Variants in RCSD1 observed in about 807,000 individuals in gnomAD.
RCSD1 encodes RCSD domain containing 1.
RCSD1 carries 26 observed loss-of-function variants against 42.5 expected under a neutral mutation model. The observed-to-expected ratio is 0.61, with a 90% CI of 0.45 to 0.85. The LOEUF (loss-of-function observed/expected upper bound fraction) is 0.85, where lower values mean the gene tolerates loss of function less well. RCSD1 is among the 40% of genes least tolerant of loss of function. The pLI is 0.00. For missense variants in RCSD1, 571 were observed against 528.3 expected, an observed-to-expected ratio of 1.08 and a Z score of -0.79; for synonymous variants, 220 against 212.2, an observed-to-expected ratio of 1.04 and a Z score of -0.32.
At chr1:167,673,302 GA>G (rs1658857724) in intron 1 of RCSD1, among the ~76,000 whole-genome samples, 1 of 152,218 alleles carries the variant, frequency 6.6e-6, no homozygotes, top group Admixed American at 6.5e-5. Flanking sequence ...AGAATGGATT[GA>G]AACATAGATT....
rs1657693613 is a variant in RCSD1 at position 167,631,421 on chromosome 1, G to A, written c.6+992G>A. On this transcript the variant is annotated intron_variant, in intron 1 of 6. Transcript: ENST00000367854. ...CACTAGACTGTGGTCAGTGCAATCAGGATTCACAGTTAACTCCGCTATCTC... is the reference window on the plus strand; with the variant it reads ...CACTAGACTGTGGTCAGTGCAATCAAGATTCACAGTTAACTCCGCTATCTC... Among the ~76,000 whole-genome samples, 3 of 152,338 alleles carry A rather than the reference G, an allele frequency of 2.0e-5. 1 individual carries two copies. The South Asian group carries it at 6.2e-4, about 32-fold the overall frequency.
intron 1 of RCSD1, among the ~76,000 whole-genome samples, chr1:167,640,230 G>A (rs1423627539): frequency 6.6e-6 from 1 of 152,090 alleles, no homozygotes; most frequent in Non-Finnish European, 1.5e-5. Context: ...CATGGTTCTG[G>A]AGGCCGGATG....
chr1:167,689,493 A>AAAAAG (rs1382535640), intron 3 of RCSD1, among the ~76,000 whole-genome samples: 20 of 137,068 alleles, frequency 1.5e-4, no homozygotes, highest in South Asian at 2.3e-4. Flanking sequence ...AAAAAAAAAA[A>AAAAAG]AAAAGAAAAG....
At chr1:167,644,712 C>T (rs1372364421) in intron 1 of RCSD1, among the ~76,000 whole-genome samples, 2 of 152,160 alleles carry the variant, frequency 1.3e-5, no homozygotes, top group Non-Finnish European at 2.9e-5. Context: ...CAATTCCTTA[C>T]CTTTCACACC....
intron 1 of RCSD1, among the ~76,000 whole-genome samples, chr1:167,682,668 AGTGT>A (rs10607777): frequency 0.097 from 13,775 of 142,530 alleles, 779 homozygotes; most frequent in African/African-American, 0.16. Context: ...GCCATGGAAG[AGTGT>A]GTGTGTGTGT....
intron 1 of RCSD1, among the ~76,000 whole-genome samples, chr1:167,632,387 T>C (rs1187239845): frequency 1.3e-5 from 2 of 152,174 alleles, no homozygotes; most frequent in African/African-American, 4.8e-5. Context: ...AATGCAAGTG[T>C]CAACTTTGTT....
At position 167,630,352 on chromosome 1, in the gene RCSD1, G is replaced by A. The variant is rs980001111; in HGVS notation, c.-72G>A. ...AAACTGGCCACGGCCGGGAGCGGAG[G>A]GGACAGCGGGGATCGTGAGCTCCGG... On this transcript the variant is annotated 5_prime_UTR_variant, in exon 1 of 7. Transcript: ENST00000367854. 1 of 1,377,698 alleles carries A rather than the reference G, an allele frequency of 7.3e-7. No homozygotes were observed. The allele number at this position is 1,377,698 out of a possible 1,614,324, so 85.3% of individuals were successfully genotyped here.
intron 1 of RCSD1, among the ~76,000 whole-genome samples, chr1:167,683,452 G>A (rs549086142): frequency 2.2e-4 from 33 of 152,232 alleles, no homozygotes; most frequent in African/African-American, 6.3e-4. Context: ...TTTACTGAGC[G>A]CTTCTTTACC....
chr1:167,674,887 T>C (rs2102224839), intron 1 of RCSD1, among the ~76,000 whole-genome samples: 1 of 152,308 alleles, frequency 6.6e-6, no homozygotes, highest in East Asian at 1.9e-4. Flanking sequence ...ATGGACATTG[T>C]ATTAGTCTGT....
intron 1 of RCSD1, among the ~76,000 whole-genome samples, chr1:167,634,729 A>G (rs1339244618): frequency 6.6e-6 from 1 of 152,252 alleles, no homozygotes; most frequent in Non-Finnish European, 1.5e-5. Context: ...AAAAAAAGTC[A>G]TAAATTTCTA....
At chr1:167,689,879 G>A (rs2101714266) in intron 3 of RCSD1, among the ~76,000 whole-genome samples, 170 bp from the exon 4 acceptor site, 1 of 152,208 alleles carries the variant, frequency 6.6e-6, no homozygotes, top group Middle Eastern at 3.4e-3. Flanking sequence ...GGGAGGGAGG[G>A]GGAAAGTTCA....
rs549842548 is a variant in RCSD1 at position 167,638,056 on chromosome 1, T to C, written c.6+7627T>C. On this transcript the variant is annotated intron_variant, in intron 1 of 6. Transcript: ENST00000367854. ...GCCGCAGCAGGCTTTGGGCCTCCTC[T>C]GAGCCTCCCCGCTAGACCCTCCACC... Among the ~76,000 whole-genome samples, 6 of 152,350 alleles carry C rather than the reference T, an allele frequency of 3.9e-5. No individual in the cohort carries two copies. In the South Asian group the frequency reaches 1.2e-3, roughly 32 times the overall value.
intron 5 of RCSD1, among the ~76,000 whole-genome samples, chr1:167,696,606 C>T (rs188568793): frequency 5.9e-5 from 9 of 152,094 alleles, no homozygotes; most frequent in African/African-American, 1.9e-4. Context: ...CATGCACCAG[C>T]ACCCCCAGCT....
chr1:167,694,421 A>T (rs1360695553), intron 5 of RCSD1, 119 bp downstream of exon 5: 1 of 964,370 alleles, frequency 1.0e-6, no homozygotes, highest in African/African-American at 1.6e-5. Context: ...TTACTGTCAG[A>T]GCTGCGTGTT....
At chr1:167,685,207 G>A (rs1467635512) in intron 2 of RCSD1, among the ~76,000 whole-genome samples, 1 of 152,176 alleles carries the variant, frequency 6.6e-6, no homozygotes, top group African/African-American at 2.4e-5. Context: ...TGGGTAGATG[G>A]TAAATAGAAT....
intron 6 of RCSD1, among the ~76,000 whole-genome samples, chr1:167,703,308 T>G (rs1659686629): frequency 6.6e-6 from 1 of 152,090 alleles, no homozygotes; most frequent in Admixed American, 6.5e-5. Flanking sequence ...CCGCTCCTCC[T>G]TGACCCTCCT....
At chr1:167,645,032 CAGT>C (rs1413159873) in intron 1 of RCSD1, among the ~76,000 whole-genome samples, 1 of 152,198 alleles carries the variant, frequency 6.6e-6, no homozygotes, top group Non-Finnish European at 1.5e-5. Context: ...AGAAAGTCTC[CAGT>C]GGCAGGCCAC....
intron 1 of RCSD1, among the ~76,000 whole-genome samples, chr1:167,668,872 A>C (rs946200799): frequency 2.0e-5 from 3 of 152,204 alleles, no homozygotes; most frequent in Admixed American, 1.3e-4. Flanking sequence ...CTCAGATGTC[A>C]GTTTTTCAGA....
At chr1:167,703,900 A>G (rs1373329962) in intron 6 of RCSD1, among the ~76,000 whole-genome samples, 1 of 151,908 alleles carries the variant, frequency 6.6e-6, no homozygotes, top group East Asian at 1.9e-4. Flanking sequence ...AAGTCCTCTC[A>G]CCACACCTCT....
Sources: gnomAD v4.1 joint callset for allele counts (sites outside exome capture counted in the v4.1 genomes callset) on GRCh38, gnomAD v4.1.1 for gene constraint, MANE v1.5 for transcripts, NCBI Gene and HGNC (gene_info 2026-07-23, HGNC 2026-07-21) for gene names.